The following SORCS2 variants were observed in gnomAD, a reference collection of about 807,000 sequenced individuals.
The protein encoded by SORCS2 is sortilin related VPS10 domain containing receptor 2.
A neutral mutation model predicts 141.6 loss-of-function variants in SORCS2; 100 were observed. That is an observed-to-expected ratio of 0.71 (90% CI 0.60 to 0.83). The LOEUF (loss-of-function observed/expected upper bound fraction) is 0.83. SORCS2 is among the 40% of genes least tolerant of loss of function. The probability of loss-of-function intolerance (pLI) is 0.00; values close to 1 mark genes in which losing one functional copy is unlikely to be tolerated. For synonymous variants in SORCS2, 789 were observed against 676.9 expected (o/e 1.17, Z -2.57); for missense variants, 1,646 against 1,560.2 (o/e 1.05, Z -0.93).
chr4:7,564,642 G>C (rs972716421), intron 3 of SORCS2, among the ~76,000 whole-genome samples: 1 of 152,194 alleles, frequency 6.6e-6, no homozygotes, highest in Non-Finnish European at 1.5e-5. Flanking sequence ...AGCTGGGCCC[G>C]AGCTCACCAG....
Position 7,434,687 on chromosome 4 carries a change from C to T in SORCS2, c.548+38332C>T, listed in dbSNP as rs532158417. The T allele has an allele frequency of 1.0e-4, 164 of 1,612,844 alleles. 3 individuals carry two copies. The East Asian group carries it at 3.2e-3, about 32-fold the overall frequency. ...GCGGCTGCTATGTCCTGGCATACGT[C>T]GCAGGGCAGAGACTTCGCGGTGGGT... On this transcript the variant is annotated intron_variant, in intron 2 of 26. Transcript: ENST00000507866.
rs555939860 is a variant in SORCS2 at position 7,742,785 on chromosome 4, C to A, written c.*2521C>A. 1.3e-5 allele frequency: 2 copies of A among 152,516 alleles called. No individual in the cohort carries two copies. Among genetic ancestry groups the A allele is most frequent in the Non-Finnish European group, 2.9e-5 (2 of 68,044 alleles). 9.4% of individuals were successfully genotyped at this position (152,516 alleles called of 1,614,324 possible). On this transcript the variant is annotated 3_prime_UTR_variant, in exon 27 of 27. Transcript: ENST00000507866. ...TTTTCCTTTTTAAAAATCGATGAAT[C>A]ATTTGTGATGCTTTTAACAAAGATT...
chr4:7,410,241 C>T (rs760527210), intron 2 of SORCS2, among the ~76,000 whole-genome samples: 75 of 152,318 alleles, frequency 4.9e-4, no homozygotes, highest in Non-Finnish European at 7.1e-4. Flanking sequence ...TGGTAGATAA[C>T]GCTGAGAGTT....
At chr4:7,275,119 G>A (rs1020908590) in intron 1 of SORCS2, among the ~76,000 whole-genome samples, 1 of 152,184 alleles carries the variant, frequency 6.6e-6, no homozygotes, top group East Asian at 1.9e-4. Flanking sequence ...GAGTAAACGG[G>A]CATCTTCGTG....
At chr4:7,461,272 T>C (rs1343523587) in intron 2 of SORCS2, among the ~76,000 whole-genome samples, 2 of 152,270 alleles carry the variant, frequency 1.3e-5, no homozygotes, top group African/African-American at 4.8e-5. Flanking sequence ...TGAAAGATGC[T>C]GTGGGGGCGT....
intron 3 of SORCS2, among the ~76,000 whole-genome samples, chr4:7,599,827 T>TC (rs1717537651): frequency 6.6e-6 from 1 of 150,960 alleles, no homozygotes; most frequent in Non-Finnish European, 1.5e-5. Flanking sequence ...TTTTTTCTTT[T>TC]TTTTTTTTTT....
At chr4:7,492,248 C>T (rs139585416) in intron 2 of SORCS2, among the ~76,000 whole-genome samples, 46 of 152,356 alleles carry the variant, frequency 3.0e-4, no homozygotes, top group African/African-American at 1.1e-3. Flanking sequence ...CCTCGCCCAG[C>T]CCCCGGTAAC....
intron 2 of SORCS2, among the ~76,000 whole-genome samples, chr4:7,420,553 T>A (rs1725971353): frequency 6.6e-6 from 1 of 152,192 alleles, no homozygotes; most frequent in Admixed American, 6.5e-5. Context: ...GCAGACCTCA[T>A]GGGACTCAGG....
chr4:7,566,514 C>G (rs968160833), intron 3 of SORCS2, among the ~76,000 whole-genome samples: 8 of 152,206 alleles, frequency 5.3e-5, no homozygotes, highest in Admixed American at 5.2e-4. Context: ...AACTGACTAT[C>G]AGAGGCCACA....
At chr4:7,290,338 C>T (rs2108876227) in intron 1 of SORCS2, among the ~76,000 whole-genome samples, 1 of 152,288 alleles carries the variant, frequency 6.6e-6, no homozygotes, top group African/African-American at 2.4e-5. Context: ...CTATCTGTAA[C>T]CTTAACTTCA....
chr4:7,252,358 G>T (rs1713563175), intron 1 of SORCS2, among the ~76,000 whole-genome samples: 1 of 152,174 alleles, frequency 6.6e-6, no homozygotes, highest in Non-Finnish European at 1.5e-5. Flanking sequence ...CCCGGGTGGG[G>T]CAGGGCAGAG....
At chr4:7,513,361 G>A (rs1732780562) in intron 2 of SORCS2, among the ~76,000 whole-genome samples, 1 of 152,232 alleles carries the variant, frequency 6.6e-6, no homozygotes, top group Non-Finnish European at 1.5e-5. Context: ...AGGTGGGGCT[G>A]CTGGAAGAAG....
Position 7,650,669 on chromosome 4 carries a change from G to A in SORCS2, c.814-3465G>A, listed in dbSNP as rs1456566677. ...CAGAGGCCATGACAGGGAGGCAGAC[G>A]CCAGCTCCGCAGACCCGGGTCCCCG... On this transcript the variant is annotated intron_variant, in intron 4 of 26. Coordinates refer to ENST00000507866, the MANE Select transcript of SORCS2 (RefSeq NM_020777.3). 2.6e-5 allele frequency among the ~76,000 whole-genome samples: 4 copies of A among 151,694 alleles called. No homozygotes were observed. In the East Asian group the frequency reaches 5.8e-4, roughly 22 times the overall value.
At position 7,484,007 on chromosome 4, in the gene SORCS2, T is replaced by C. The variant is rs574904536; in HGVS notation, c.549-47523T>C. 2.6e-5 allele frequency among the ~76,000 whole-genome samples: 4 copies of C among 152,340 alleles called. No homozygotes were observed. The East Asian group carries it at 7.7e-4, about 29-fold the overall frequency. On this transcript the variant is annotated intron_variant, in intron 2 of 26. Transcript: ENST00000507866. ...AAATGCACGTCTTCAAAGCCCAGGC[T>C]CTCCTGTATCTACAGATGTTATTTT...
chr4:7,661,634 G>A (rs374492211), intron 6 of SORCS2, 70 bp downstream of exon 6: 50 of 1,412,336 alleles, frequency 3.5e-5, no homozygotes, highest in Admixed American at 3.2e-4. Context: ...TCGGCTGCAC[G>A]TGTGTTCAGT....
intron 2 of SORCS2, among the ~76,000 whole-genome samples, chr4:7,491,031 G>T (rs968346937): frequency 6.6e-6 from 1 of 152,192 alleles, no homozygotes; most frequent in Non-Finnish European, 1.5e-5. Flanking sequence ...CCTTCCTGTG[G>T]CTTCCTGAAA....
At position 7,396,362 on chromosome 4, in the gene SORCS2, C is replaced by T; in HGVS notation, c.548+7C>T. On this transcript the variant is annotated splice_region_variant and intron_variant, in intron 2 of 26. Transcript: ENST00000507866. ...TGGAAAGTTCTCTGTGGCGGTAAGT[C>T]AGCCCGATGGCAGGCCTTTCTCTTA... 6.2e-7 allele frequency: 1 copy of T among 1,613,796 alleles called. No individual in the cohort carries two copies. The highest frequency in any genetic ancestry group is 1.3e-5 in the African/African-American group (1 of 75,046).
chr4:7,352,573 A>G (rs1441338336), intron 1 of SORCS2, among the ~76,000 whole-genome samples: 1 of 152,198 alleles, frequency 6.6e-6, no homozygotes, highest in Non-Finnish European at 1.5e-5. Flanking sequence ...AGCTCTTAGC[A>G]GATGTCTAGT....
In SORCS2 at chr4:7,287,780, C is replaced by T. The variant is rs189874537; in HGVS notation, c.480+94654C>T. 4.0e-3 allele frequency among the ~76,000 whole-genome samples: 616 copies of T among 152,284 alleles called. 7 individuals carry two copies. Among genetic ancestry groups the T allele is most frequent in the African/African-American group, 0.013 (558 of 41,560 alleles). ...CGTGCTGTGGGCGGGCGTGGGTCTG[C>T]GGCTTCCTGTCTGAGGGAATGCAGT... is the stretch of plus-strand genomic sequence containing the variant. On this transcript the variant is annotated intron_variant, in intron 1 of 26. Transcript: ENST00000507866.
Sources: allele counts gnomAD v4.1 joint callset (sites outside exome capture counted in the v4.1 genomes callset), GRCh38; gene constraint gnomAD v4.1.1; transcripts MANE v1.5; gene names NCBI Gene and HGNC (gene_info 2026-07-23, HGNC 2026-07-21).